LMF1: variants seen among roughly 807,000 people sequenced by gnomAD.
LMF1 encodes transmembrane protein 112.
In LMF1, 68 loss-of-function variants were observed where a neutral mutation model predicts 60.6. That is an observed-to-expected ratio of 1.12 (90% confidence interval 0.92 to 1.37). The LOEUF is 1.37. LMF1 is among the 40% of genes most tolerant of loss of function. The pLI, the probability that LMF1 is intolerant of heterozygous loss-of-function variation, is 0.00. For missense variants in LMF1, 948 were observed against 767.2 expected, an observed-to-expected ratio of 1.24 and a Z score of -2.78; for synonymous variants, 418 against 324.7, an observed-to-expected ratio of 1.29 and a Z score of -3.09.
intron 1 of LMF1, 60 bp downstream of exon 1, chr16:970,728 C>G: frequency 7.0e-7 from 1 of 1,436,572 alleles, no homozygotes; most frequent in Non-Finnish European, 9.4e-7. Context: ...CGAGGGAGGG[C>G]GGGGGTCGTG....
intron 1 of LMF1, among the ~76,000 whole-genome samples, chr16:965,616 T>C (rs572578310): frequency 1.3e-5 from 2 of 152,164 alleles, no homozygotes; most frequent in South Asian, 2.1e-4. Flanking sequence ...GAATTAGAGA[T>C]CCGGGCAAGT....
chr16:870,785 G>T lies in LMF1; in HGVS notation c.1176C>A (p.Val392=). The T allele has an allele frequency of 6.2e-7, 1 of 1,612,988 alleles. No individual in the cohort carries two copies. The highest frequency in any genetic ancestry group is 8.5e-7 in the Non-Finnish European group (1 of 1,179,820). ...VVLNLLSSRQ[V]MNTHFNSLHI... The stretch of plus-strand genomic sequence containing the variant: ...GAAGAGAGTTGAAGTGGGTGTTCAT[G>T]ACCTGCCTGGAGCTCAGCAAGTTGA... Residue 392 remains valine, a synonymous_variant, in exon 8 of 11, where the codon GTC becomes GTA. Transcript: ENST00000262301.
chr16:977,444 C>T (rs978629434), intron 1 of LMF1, among the ~76,000 whole-genome samples: 16 of 152,336 alleles, frequency 1.1e-4, no homozygotes, highest in South Asian at 2.1e-4. Context: ...AGCCTGTAGT[C>T]ACTCTGTCTC....
intron 1 of LMF1, among the ~76,000 whole-genome samples, chr16:959,241 G>C (rs183432661): frequency 6.6e-6 from 1 of 152,366 alleles, no homozygotes; most frequent in African/African-American, 2.4e-5. Flanking sequence ...TCAGAGATAA[G>C]AATGCAGCTG....
At chr16:868,014 G>A (rs1213320889) in intron 10 of LMF1, among the ~76,000 whole-genome samples, 2 of 152,166 alleles carry the variant, frequency 1.3e-5, no homozygotes, top group African/African-American at 4.8e-5. Context: ...CCAGAGCTGT[G>A]TTTTCCGTCA....
At chr16:886,309 A>C (rs1279123901) in intron 5 of LMF1, among the ~76,000 whole-genome samples, 1 of 152,134 alleles carries the variant, frequency 6.6e-6, no homozygotes, top group Non-Finnish European at 1.5e-5. Flanking sequence ...GCTGACCTTG[A>C]GGCGCCACCC....
chr16:899,322 T>G (rs2070746447), intron 4 of LMF1: 1 of 152,216 alleles, frequency 6.6e-6, no homozygotes, highest in Non-Finnish European at 1.5e-5. Flanking sequence ...TTTCTAAAAA[T>G]TCCCACGACG....
chr16:954,950 G>C (rs60748524), intron 1 of LMF1, among the ~76,000 whole-genome samples: 31,310 of 93,696 alleles, frequency 0.33, 6,740 homozygotes, highest in African/African-American at 0.62. Flanking sequence ...CAGACGCGGT[G>C]TGTGCATCCA....
At chr16:950,259 CAG>C (rs1196780686) in intron 2 of LMF1, among the ~76,000 whole-genome samples, 3 of 107,638 alleles carry the variant, frequency 2.8e-5, no homozygotes, top group Non-Finnish European at 5.3e-5. Context: ...CAGCCAACGA[CAG>C]AGTCAGCCAA....
rs2070706558 is a variant in LMF1, at chr16:897,844, T to A, written c.664-4772A>T. Among the ~76,000 whole-genome samples the A allele has an allele frequency of 1.3e-5, 2 of 152,146 alleles. No homozygotes were observed. ...TGGCTTTCCTGTCTTCCTGGGATGGTTTCCGCACTTTCTTGCCCTCATGCA... is the reference window on the plus strand; with the variant it reads ...TGGCTTTCCTGTCTTCCTGGGATGGATTCCGCACTTTCTTGCCCTCATGCA... On this transcript the variant is annotated intron_variant, in intron 4 of 10. Transcript: ENST00000262301. The surrounding 1 kb of genome is among the most constrained non-coding windows in gnomAD (Gnocchi z 4.3).
In LMF1 at chr16:869,071, C is replaced by T. The variant is rs762462010; in HGVS notation, c.1417-15G>A. ...TGCTCGTAGGTCTGGGAGGAGAGGT[C>T]GGGCTGGAGACGGCTGTGCCACTCG... On this transcript the variant is annotated splice_polypyrimidine_tract_variant and intron_variant, in intron 9 of 10. Transcript: ENST00000262301. The T allele has an allele frequency of 2.0e-5, 32 of 1,568,438 alleles. No homozygotes were observed. Among genetic ancestry groups the T allele is most frequent in the Middle Eastern group, 1.7e-4 (1 of 5,984 alleles).
chr16:967,712 C>T (rs1467590971), intron 1 of LMF1, among the ~76,000 whole-genome samples: 1 of 152,224 alleles, frequency 6.6e-6, no homozygotes, highest in Non-Finnish European at 1.5e-5. Flanking sequence ...GGCCCGAGAA[C>T]GCCGCTGCCC....
At position 962,692 on chromosome 16, in the gene LMF1, G is replaced by A. The variant is rs1034715142; in HGVS notation, c.194-8026C>T. Among the ~76,000 whole-genome samples the A allele has an allele frequency of 2.0e-5, 3 of 152,210 alleles. No homozygotes were observed. The highest frequency in any genetic ancestry group is 4.8e-5 in the African/African-American group (2 of 41,440). On this transcript the variant is annotated intron_variant, in intron 1 of 10. Transcript: ENST00000262301. The surrounding 1 kb of genome is among the most constrained non-coding windows in gnomAD (Gnocchi z 4.5). ...ACTGTCAAGGTCGGAATCCTGCACA[G>A]GAAAGTCTGGGAGACTCACAGACCA...
intron 3 of LMF1, among the ~76,000 whole-genome samples, chr16:914,669 C>A (rs1300030480): frequency 1.5e-3 from 111 of 73,626 alleles, no homozygotes; most frequent in South Asian, 8.5e-4. Flanking sequence ...TGGTGACACA[C>A]TCCCTCCCTC....
At chr16:863,182 T>A (rs963833107) in intron 10 of LMF1, among the ~76,000 whole-genome samples, 1 of 152,228 alleles carries the variant, frequency 6.6e-6, no homozygotes, top group African/African-American at 2.4e-5. Context: ...CTTTTTCGTT[T>A]CGAGACAGAA....
chr16:933,870 C>T (rs1280495992), intron 3 of LMF1: 8 of 962,482 alleles, frequency 8.3e-6, no homozygotes, highest in African/African-American at 5.1e-5. Flanking sequence ...TGCCCACCAG[C>T]GTGAGTGCCG....
chr16:949,435 A>C (rs1567299046), intron 2 of LMF1, among the ~76,000 whole-genome samples: 1 of 148,338 alleles, frequency 6.7e-6, no homozygotes, highest in Admixed American at 6.7e-5. Flanking sequence ...CGACAGAGTC[A>C]GGCCAACGAC....
chr16:854,111 A>G lies in LMF1; in HGVS notation c.*421T>C, dbSNP rs1230566985. ...GTCAGGACCTGGCTGGGAACACACC[A>G]TTGAAGAGGGAACAGAAACCAGGCC... On this transcript the variant is annotated 3_prime_UTR_variant, in exon 11 of 11. Transcript: ENST00000262301. 2.2e-6 allele frequency: 1 copy of G among 460,270 alleles called. No individual in the cohort carries two copies. Among genetic ancestry groups the G allele is most frequent in the Admixed American group, 2.3e-5 (1 of 42,702 alleles). The allele number at this position is 460,270 out of a possible 1,614,324, so 28.5% of individuals were successfully genotyped here.
At chr16:854,863 C>T (rs928435146) in intron 10 of LMF1, 157 bp from the exon 11 acceptor site, 33 of 703,918 alleles carry the variant, frequency 4.7e-5, no homozygotes, top group Middle Eastern at 7.4e-4. Flanking sequence ...AGACCCCCAG[C>T]AGACCCCGGG....
Sources: allele counts gnomAD v4.1 joint callset (sites outside exome capture counted in the v4.1 genomes callset), GRCh38; gene constraint gnomAD v4.1.1; non-coding constraint Gnocchi (gnomAD v3.1); transcripts MANE v1.5; gene names NCBI Gene and HGNC (gene_info 2026-07-23, HGNC 2026-07-21).